Variants in SNX27 observed in about 807,000 individuals in gnomAD.
The protein encoded by SNX27 is sorting nexin-27.
A neutral mutation model predicts 71.6 loss-of-function variants in SNX27; 22 were observed. The ratio of observed to expected loss-of-function variants is 0.31; its 90% CI spans 0.22 to 0.44. The LOEUF (loss-of-function observed/expected upper bound fraction) is 0.44, where lower values mean the gene tolerates loss of function less well. Among genes scored for constraint, SNX27 ranks in the 20% least tolerant of loss-of-function variants. The probability of loss-of-function intolerance (pLI) is 1.00; values close to 1 mark genes in which losing one functional copy is unlikely to be tolerated. For synonymous variants in SNX27, 269 were observed against 277.2 expected (o/e 0.97, Z 0.29); for missense variants, 531 against 698.6 (o/e 0.76, Z 2.70).
Position 151,612,335 on chromosome 1 carries a change from G to A in SNX27, c.134G>A (p.Arg45His), listed in dbSNP as rs1475394432. ...GGGGGGPRVV[R>H]IVKSESGYGF... ...GGAGGCGGCGGCCCGCGGGTCGTGC[G>A]CATCGTCAAGTCCGAGTCCGGCTAC... The change falls in exon 1 of 12, where the codon CGC becomes CAC. Residue 45 changes from arginine to histidine, a missense_variant. Physicochemically the swap from Arg to His is conservative, Grantham distance 29. This residue lies in a region of SNX27 where 130 missense variants were observed against 143.5 expected (regional missense o/e 0.91). Transcript: ENST00000458013. This position sits in a 1 kb window ranked among gnomAD's most constrained non-coding sequence, Gnocchi z 5.2. 4 of 1,538,088 alleles carry A rather than the reference G, an allele frequency of 2.6e-6. No homozygotes were observed. Among genetic ancestry groups the A allele is most frequent in the African/African-American group, 1.4e-5 (1 of 70,418 alleles).
intron 4 of SNX27, 26 bp downstream of exon 4, chr1:151,660,888 T>A (rs1445593558): frequency 2.6e-6 from 4 of 1,566,178 alleles, no homozygotes; most frequent in African/African-American, 1.4e-5. Flanking sequence ...TTTTAGTGAT[T>A]ATTTTCCTTT....
intron 2 of SNX27, among the ~76,000 whole-genome samples, chr1:151,651,622 G>A (rs1437083875): frequency 1.3e-5 from 2 of 151,376 alleles, no homozygotes; most frequent in African/African-American, 4.9e-5. Context: ...GGGCAGAGGC[G>A]CTCCCCACAT....
rs190684687 is a variant in SNX27 at position 151,669,517 on chromosome 1, C to T, written c.1149+882C>T. Among the ~76,000 whole-genome samples the T allele has an allele frequency of 6.8e-4, 103 of 152,320 alleles. 1 individual carries two copies. The highest frequency in any genetic ancestry group is 2.4e-3 in the African/African-American group (99 of 41,586). On this transcript the variant is annotated intron_variant, in intron 7 of 11. Coordinates refer to ENST00000458013, the MANE Select transcript of SNX27 (RefSeq NM_001330723.2). ...TTCAGTTCAGACCCATCAGGTAGTT[C>T]ATGATTTCCACTTTCTGAAGAAATC...
At chr1:151,670,439 G>C (rs1387531519) in intron 7 of SNX27, among the ~76,000 whole-genome samples, 2 of 152,074 alleles carry the variant, frequency 1.3e-5, no homozygotes, top group African/African-American at 4.8e-5. Flanking sequence ...ATCGTATGAT[G>C]GTTCTATTTT....
chr1:151,688,909 A>G (rs1273629957), intron 8 of SNX27, among the ~76,000 whole-genome samples: 1 of 152,078 alleles, frequency 6.6e-6, no homozygotes, highest in Non-Finnish European at 1.5e-5. Context: ...AATGCTGATA[A>G]ATACTGCCCA....
At chr1:151,617,752 A>G (rs1667486686) in intron 1 of SNX27, among the ~76,000 whole-genome samples, 1 of 152,186 alleles carries the variant, frequency 6.6e-6, no homozygotes, top group African/African-American at 2.4e-5. Context: ...CCAAATGAAT[A>G]TATGAGTATT....
chr1:151,664,944 A>G (rs1670123624), intron 5 of SNX27, among the ~76,000 whole-genome samples: 2 of 152,210 alleles, frequency 1.3e-5, no homozygotes, highest in South Asian at 4.1e-4. Context: ...ATTTCTATCC[A>G]GTGCAATATA....
At chr1:151,623,456 G>A (rs1319931441) in intron 1 of SNX27, among the ~76,000 whole-genome samples, 4 of 151,802 alleles carry the variant, frequency 2.6e-5, no homozygotes, top group Non-Finnish European at 5.9e-5. Flanking sequence ...AATAGAGACG[G>A]GGTTTCACCA....
At chr1:151,634,262 C>T (rs1668374434) in intron 1 of SNX27, among the ~76,000 whole-genome samples, 1 of 152,134 alleles carries the variant, frequency 6.6e-6, no homozygotes, top group Non-Finnish European at 1.5e-5. Context: ...TTTTAATGGG[C>T]TGCCTCTGAG....
intron 8 of SNX27, among the ~76,000 whole-genome samples, chr1:151,688,193 A>T (rs1259229535): frequency 1.3e-5 from 2 of 152,184 alleles, no homozygotes; most frequent in Admixed American, 6.5e-5. Context: ...GTAAAGTCTC[A>T]CTGGGAGACA....
intron 1 of SNX27, among the ~76,000 whole-genome samples, chr1:151,628,596 C>T (rs77549570): frequency 0.012 from 1,880 of 152,248 alleles, 45 homozygotes; most frequent in African/African-American, 0.044. Flanking sequence ...TGTATTCCCA[C>T]CAGCAGTGAA....
At position 151,645,064 on chromosome 1, in the gene SNX27, T is replaced by C. The variant is rs140688590; in HGVS notation, c.543+5945T>C. Among the ~76,000 whole-genome samples the C allele has an allele frequency of 9.5e-3, 1,447 of 152,210 alleles. 31 individuals carry two copies. The highest frequency in any genetic ancestry group is 0.033 in the African/African-American group (1,359 of 41,516). On this transcript the variant is annotated intron_variant, in intron 2 of 11. Transcript: ENST00000458013. ...ATCCACCCGCCTCGGCCTCCCAAAG[T>C]GTTGGGATTACAGGTGTGAGCCCTT...
chr1:151,667,816 GACTCCGTCTCAAAAAAAAAAAAAAAA>G (rs1245329173), intron 6 of SNX27, among the ~76,000 whole-genome samples: 1 of 111,800 alleles, frequency 8.9e-6, no homozygotes. Flanking sequence ...GACAGAGCGA[GACTCCGTCTCAAAAAAAAAAAAAAAA>G]AAAAAAAAAG....
chr1:151,689,237 T>A (rs1050046597), intron 8 of SNX27, among the ~76,000 whole-genome samples: 1 of 152,208 alleles, frequency 6.6e-6, no homozygotes, highest in Non-Finnish European at 1.5e-5. Context: ...TCTGAGAGAT[T>A]AAGATTCTTA....
chr1:151,630,964 G>A (rs1235581147), intron 1 of SNX27, among the ~76,000 whole-genome samples: 10 of 152,172 alleles, frequency 6.6e-5, no homozygotes, highest in Non-Finnish European at 2.9e-5. Flanking sequence ...CCCGGGAGGC[G>A]GAGCTGGCAG....
chr1:151,657,833 T>A (rs1571831820), intron 2 of SNX27, among the ~76,000 whole-genome samples: 1 of 152,132 alleles, frequency 6.6e-6, no homozygotes, highest in Non-Finnish European at 1.5e-5. Context: ...AAACCCCTTC[T>A]CTACTAAAAA....
At chr1:151,617,891 T>G (rs1182279944) in intron 1 of SNX27, among the ~76,000 whole-genome samples, 6 of 150,932 alleles carry the variant, frequency 4.0e-5, no homozygotes, top group Non-Finnish European at 7.4e-5. Context: ...TTTTTTTTTT[T>G]TTTTTTTTTT....
intron 8 of SNX27, among the ~76,000 whole-genome samples, chr1:151,687,945 C>CA (rs10580377): frequency 0.019 from 2,101 of 111,238 alleles, 45 homozygotes; most frequent in African/African-American, 0.049. Context: ...GAGTCTGTCT[C>CA]AAAAAAAAAA....
chr1:151,682,181 T>A (rs1368075222), intron 7 of SNX27, among the ~76,000 whole-genome samples: 1 of 152,264 alleles, frequency 6.6e-6, no homozygotes, highest in Non-Finnish European at 1.5e-5. Flanking sequence ...AAAAGAATGC[T>A]TGAGCGCTTG....
Sources: gnomAD v4.1 joint callset for allele counts (sites outside exome capture counted in the v4.1 genomes callset) on GRCh38, gnomAD v4.1.1 for gene constraint, gnomAD v4.1.1 regional missense constraint, Gnocchi (gnomAD v3.1) non-coding constraint, MANE v1.5 for transcripts, NCBI Gene and HGNC (gene_info 2026-07-23, HGNC 2026-07-21) for gene names.